P2RY8: variants seen among roughly 807,000 people sequenced by gnomAD.
P2RY8 encodes S-geranylgeranyl-glutathione receptor P2RY8.
In P2RY8, 6 loss-of-function variants were observed where a neutral mutation model predicts 10.0. That is an observed-to-expected ratio of 0.60 (90% CI 0.33 to 1.19). P2RY8 has a LOEUF of 1.19. Among genes scored for constraint, P2RY8 ranks in the 50% most tolerant of loss-of-function variants. P2RY8 has a pLI of 0.04. For synonymous variants in P2RY8, 276 were observed against 252.5 expected, an observed-to-expected ratio of 1.09 and a Z score of -0.88; for missense variants, 456 against 542.0, an observed-to-expected ratio of 0.84 and a Z score of 1.58.
intron 1 of P2RY8, among the ~76,000 whole-genome samples, chrX:1,517,834 C>T (rs1336401923): frequency 3.9e-5 from 6 of 152,166 alleles, no homozygotes; most frequent in African/African-American, 7.2e-5. Context: ...CTCGGCCACA[C>T]GCGGTGGCTC....
At chrX:1,498,440 T>C (rs867279238) in intron 1 of P2RY8, among the ~76,000 whole-genome samples, 1 of 149,298 alleles carries the variant, frequency 6.7e-6, no homozygotes, top group Non-Finnish European at 1.5e-5. Context: ...GAAAGAAAAC[T>C]TGAAGAGGGC....
rs140914721 is a variant in P2RY8, at chrX:1,523,431, G to A, written c.-25+13490C>T. 2.1e-3 allele frequency among the ~76,000 whole-genome samples: 317 copies of A among 152,176 alleles called. 3 individuals are homozygous for A. Among genetic ancestry groups the A allele is most frequent in the African/African-American group, 7.1e-3 (294 of 41,514 alleles). ...CTGAGTTTCACAATTCTTGCATTTA[G>A]CATAGAATTTTTGAGGTTCATCCAT... On this transcript the variant is annotated intron_variant, in intron 1 of 1. Transcript: ENST00000381297.
intron 1 of P2RY8, among the ~76,000 whole-genome samples, chrX:1,493,398 A>AAGG (rs1479268249): frequency 2.9e-3 from 49 of 16,762 alleles, no homozygotes; most frequent in Admixed American, 9.1e-3. Context: ...GGAGGGAGGG[A>AAGG]AGGAGGAAGG....
intron 1 of P2RY8, among the ~76,000 whole-genome samples, chrX:1,487,978 T>C (rs1318547384): frequency 1.3e-5 from 2 of 151,978 alleles, no homozygotes; most frequent in Admixed American, 1.3e-4. Context: ...GGCGTGGTGG[T>C]GGGCGTCTGT....
intron 1 of P2RY8, among the ~76,000 whole-genome samples, chrX:1,478,871 A>G (rs2091905690): frequency 6.6e-6 from 1 of 151,968 alleles, no homozygotes; most frequent in Admixed American, 6.6e-5. Flanking sequence ...CATGGAATAT[A>G]CCAGAAGCCT....
At chrX:1,506,275 G>T (rs1233984368) in intron 1 of P2RY8, among the ~76,000 whole-genome samples, 1 of 152,098 alleles carries the variant, frequency 6.6e-6, no homozygotes. Context: ...TGACGGGTGT[G>T]AGCCACCATG....
chrX:1,484,377 A>G (rs1451728802), intron 1 of P2RY8, among the ~76,000 whole-genome samples: 1 of 152,056 alleles, frequency 6.6e-6, no homozygotes, highest in African/African-American at 2.4e-5. Context: ...ACAGAAAAGG[A>G]TATTTTAAAA....
At chrX:1,494,362 G>A (rs192045638) in intron 1 of P2RY8, 3 of 152,384 alleles carry the variant, frequency 2.0e-5, no homozygotes, top group East Asian at 3.9e-4. Context: ...TCTTAGCTGC[G>A]ATCTGTCATC....
intron 1 of P2RY8, among the ~76,000 whole-genome samples, chrX:1,502,166 C>T (rs1488219602): frequency 6.6e-6 from 1 of 152,278 alleles, no homozygotes; most frequent in South Asian, 2.1e-4. Context: ...CCACCTCGGC[C>T]TCTCAAAGTG....
rs1481690291 is a variant in P2RY8, at chrX:1,512,079, G to C, written c.-25+24842C>G. Among the ~76,000 whole-genome samples the C allele has an allele frequency of 7.9e-5, 12 of 152,064 alleles. 1 individual carries two copies. The East Asian group carries it at 2.3e-3, about 29-fold the overall frequency. On this transcript the variant is annotated intron_variant, in intron 1 of 1. Coordinates refer to ENST00000381297, the MANE Select transcript of P2RY8 (RefSeq NM_178129.5). ...AAGAGGCTCCCAGGCTGGCGGGGGG[G>C]TCTCCTGTCCAGGGTCTCCTGTGTA...
chrX:1,492,330 C>T (rs756895305), intron 1 of P2RY8, among the ~76,000 whole-genome samples: 4 of 152,284 alleles, frequency 2.6e-5, no homozygotes, highest in African/African-American at 9.6e-5. Flanking sequence ...TTGTTTCTGA[C>T]ATGGCTGGTC....
At position 1,465,593 on chromosome X, in the gene P2RY8, G is replaced by T. The variant is rs756454808; in HGVS notation, c.966C>A (p.Arg322=). ...RVPRDTLDTR[R]ESLFSARTTS... ...TGGTCCTGGCGGAGAAGAGGCTCTC[G>T]CGGCGCGTGTCCAGGGTGTCTCTGG... The change falls in exon 2 of 2, where the codon CGC becomes CGA. Residue 322 remains arginine (R), a synonymous_variant. Coordinates refer to ENST00000381297, the MANE Select transcript of P2RY8 (RefSeq NM_178129.5). 6.2e-7 allele frequency: 1 copy of T among 1,613,046 alleles called. No homozygotes were observed. Among genetic ancestry groups the T allele is most frequent in the Admixed American group, 1.7e-5 (1 of 60,008 alleles).
At chrX:1,510,989 T>C (rs1163510960) in intron 1 of P2RY8, among the ~76,000 whole-genome samples, 1 of 151,752 alleles carries the variant, frequency 6.6e-6, no homozygotes, top group East Asian at 1.9e-4. Flanking sequence ...CCATCCTGGC[T>C]AACACAGTGA....
In P2RY8 at chrX:1,466,085, C is replaced by T. The variant is rs769943560; in HGVS notation, c.474G>A (p.Leu158=). The T allele has an allele frequency of 6.3e-5, 102 of 1,611,506 alleles. 3 individuals carry two copies. In the South Asian group the frequency reaches 1.1e-3, roughly 17 times the overall value. The change falls in exon 2 of 2, where the codon CTG becomes CTA. Residue 158 remains leucine, a synonymous_variant. Transcript: ENST00000381297. The part of the protein sequence containing the change: ...WLLLLTALSP[L]ARTDLTYPVH... ...CCGGGTAGGTGAGATCGGTGCGCGC[C>T]AGCGGGGACAGGGCGGTCAGGAGCA...
rs1341061589 is a variant in P2RY8 at position 1,514,905 on chromosome X, C to T, written c.-25+22016G>A. On this transcript the variant is annotated intron_variant, in intron 1 of 1. Transcript: ENST00000381297. ...TCCTCTCCCCTCCCCTTCCCCTCCC[C>T]TCCCCTTCCCTTCCCTTTGACAGAG... Among the ~76,000 whole-genome samples, 10 of 72,064 alleles carry T rather than the reference C, an allele frequency of 1.4e-4. No individual in the cohort carries two copies. The South Asian group carries it at 3.8e-3, about 28-fold the overall frequency. The allele number at this position is 72,064 out of a possible 152,430, so 47.3% of individuals were successfully genotyped here. A position where few individuals can be genotyped will look rare whatever the true frequency, so the allele number is the denominator to read the frequency against.
intron 1 of P2RY8, among the ~76,000 whole-genome samples, chrX:1,524,409 G>GCATGCATCCATCCATCCATCCATC (rs1309158911): frequency 9.1e-6 from 1 of 109,786 alleles, no homozygotes; most frequent in Non-Finnish European, 1.9e-5. Flanking sequence ...ATCCATGCAT[G>GCATGCATCCATCCATCCATCCATC]CATCCATCCA....
intron 1 of P2RY8, among the ~76,000 whole-genome samples, chrX:1,482,996 T>C (rs5948810): frequency 0.97 from 146,816 of 151,670 alleles, 71,208 homozygotes; most frequent in East Asian, 1. Context: ...TAATGCTAAA[T>C]GACGAGTTAA....
chrX:1,488,819 ACACT>A (rs72142970), intron 1 of P2RY8, among the ~76,000 whole-genome samples: 43,687 of 151,496 alleles, frequency 0.29, 6,533 homozygotes, highest in Middle Eastern at 0.44. Context: ...TGTATGAATA[ACACT>A]CAGAGCGTCC....
chrX:1,522,872 C>T (rs1333983303), intron 1 of P2RY8, among the ~76,000 whole-genome samples: 8 of 151,718 alleles, frequency 5.3e-5, no homozygotes, highest in African/African-American at 1.9e-4. Flanking sequence ...AGTTCGAGAC[C>T]AGCCTGTCCA....
Sources: gnomAD v4.1 joint callset for allele counts (sites outside exome capture counted in the v4.1 genomes callset) on GRCh38, gnomAD v4.1.1 for gene constraint, MANE v1.5 for transcripts, NCBI Gene and HGNC (gene_info 2026-07-23, HGNC 2026-07-21) for gene names.